Variants in MYLK observed in about 807,000 individuals in gnomAD.
The protein encoded by MYLK is myosin light chain kinase, smooth muscle.
In MYLK, 106 loss-of-function variants were observed where a neutral mutation model predicts 203.4. The ratio of observed to expected loss-of-function variants is 0.52; its 90% CI spans 0.45 to 0.61. The LOEUF (loss-of-function observed/expected upper bound fraction) is 0.61, where lower values mean the gene tolerates loss of function less well. Among genes scored for constraint, MYLK ranks in the 20% least tolerant of loss-of-function variants. MYLK has a pLI of 0.00. For missense variants in MYLK, 2,072 were observed against 2,442.3 expected (o/e 0.85, Z 3.20); for synonymous variants, 867 against 959.5 (o/e 0.90, Z 1.78).
Position 123,739,592 on chromosome 3 carries a change from T to A in MYLK, c.422+361A>T, listed in dbSNP as rs1437156409. Among the ~76,000 whole-genome samples the A allele has an allele frequency of 2.0e-5, 3 of 152,214 alleles. No individual in the cohort carries two copies. The East Asian group carries it at 5.8e-4, about 29-fold the overall frequency. On this transcript the variant is annotated intron_variant, in intron 6 of 33. Transcript: ENST00000360304. ...AACTTTCCCTGAGTAAGAAACAAAC[T>A]TTCCCTGGGTTGAGCCACTGTGATT...
chr3:123,620,616 ATACAGTGC>A, intron 31 of MYLK: 1 of 1,215,096 alleles, frequency 8.2e-7, no homozygotes, highest in Non-Finnish European at 1.0e-6. Context: ...AACCCTTTTC[ATACAGTGC>A]TTCAACTCCC....
intron 13 of MYLK, among the ~76,000 whole-genome samples, chr3:123,719,667 G>A (rs1288371474): frequency 6.6e-6 from 1 of 152,210 alleles, no homozygotes; most frequent in Non-Finnish European, 1.5e-5. Context: ...GCTAGTAAGT[G>A]GCAGAGCAGG....
chr3:123,617,824 C>T (rs551657328), intron 33 of MYLK: 1 of 152,362 alleles, frequency 6.6e-6, no homozygotes, highest in South Asian at 2.1e-4. Flanking sequence ...CGCTTTGTGT[C>T]ATCAACTTTG....
intron 32 of MYLK, 82 bp from the exon 33 acceptor site, chr3:123,618,852 A>T (rs991791801): frequency 2.5e-6 from 4 of 1,575,042 alleles, no homozygotes; most frequent in Non-Finnish European, 3.5e-6. Context: ...CTAACTTTTA[A>T]AAAAGTTGCT....
intron 3 of MYLK, among the ~76,000 whole-genome samples, chr3:123,820,433 G>A (rs1391209057): frequency 6.6e-6 from 1 of 152,182 alleles, no homozygotes; most frequent in Admixed American, 6.5e-5. Flanking sequence ...GGTAGATACA[G>A]AAGCAGTCAT....
chr3:123,756,506 T>C (rs760030443), intron 4 of MYLK, among the ~76,000 whole-genome samples: 1 of 152,162 alleles, frequency 6.6e-6, no homozygotes. Context: ...AATTCCTTCC[T>C]TGTATTAAGG....
At position 123,640,479 on chromosome 3, in the gene MYLK, G is replaced by C; in HGVS notation, c.4645C>G (p.Arg1549Gly). The change falls in exon 28 of 34, where the codon CGC becomes GGC. Residue 1549 changes from arginine to glycine, a missense_variant. Arg to Gly is a moderately radical substitution (Grantham distance 125, BLOSUM62 -2). This residue lies in a region of MYLK where 524 missense variants were observed against 782.4 expected (regional missense o/e 0.67). Transcript: ENST00000360304. This position sits in a 1 kb window ranked among gnomAD's most constrained non-coding sequence, Gnocchi z 4.3. ...EIVSGGELFE[R>G]IIDEDFELTE... ...AGCTCAAAGTCCTCGTCAATGATGC[G>C]CTCAAACAGCTCCCCTCCTGACACG... 1 of 1,614,038 alleles carries C rather than the reference G, an allele frequency of 6.2e-7. No homozygotes were observed. Among genetic ancestry groups the C allele is most frequent in the Non-Finnish European group, 8.5e-7 (1 of 1,180,032 alleles).
intron 4 of MYLK, among the ~76,000 whole-genome samples, chr3:123,771,880 G>GT (rs1300318687): frequency 1.3e-5 from 2 of 152,294 alleles, no homozygotes; most frequent in African/African-American, 4.8e-5. Flanking sequence ...AAAAACAATA[G>GT]TTGTGGGGGT....
At chr3:123,774,905 G>A (rs990000041) in intron 4 of MYLK, among the ~76,000 whole-genome samples, 5 of 152,098 alleles carry the variant, frequency 3.3e-5, no homozygotes, top group Non-Finnish European at 7.4e-5. Context: ...AAGGCTCGTT[G>A]AGCACCCTTC....
At chr3:123,616,553 A>G (rs1486012856) in intron 33 of MYLK, 1 of 152,132 alleles carries the variant, frequency 6.6e-6, no homozygotes, top group Non-Finnish European at 1.5e-5. Context: ...TAGGAAAAAA[A>G]TTGTAGCCCT....
chr3:123,656,731 G>C (rs2059399266), intron 24 of MYLK, among the ~76,000 whole-genome samples: 1 of 152,034 alleles, frequency 6.6e-6, no homozygotes, highest in Non-Finnish European at 1.5e-5. Flanking sequence ...TCTTCCTCTA[G>C]ATTTTAAGCT....
chr3:123,789,036 G>A lies in MYLK; in HGVS notation c.165+4641C>T, dbSNP rs2064662206. On this transcript the variant is annotated intron_variant, in intron 4 of 33. Coordinates refer to ENST00000360304, the MANE Select transcript of MYLK (RefSeq NM_053025.4). ...TCCCACCATTGCTCTTTTCATACTT[G>A]ACTCTGCTGGGGAAAACAGCCCATC... is the stretch of plus-strand genomic sequence containing the variant. Among the ~76,000 whole-genome samples the A allele has an allele frequency of 5.9e-5, 9 of 152,044 alleles. No homozygotes were observed. In the South Asian group the frequency reaches 1.9e-3, roughly 32 times the overall value.
At chr3:123,701,363 G>T in intron 17 of MYLK, 75 bp downstream of exon 17, 1 of 1,470,172 alleles carries the variant, frequency 6.8e-7, no homozygotes, top group Non-Finnish European at 9.5e-7. Flanking sequence ...GGGCTGCTGG[G>T]CTGGAGCTGC....
intron 13 of MYLK, among the ~76,000 whole-genome samples, chr3:123,711,210 G>C (rs6794870): frequency 9.2e-5 from 14 of 152,254 alleles, no homozygotes; most frequent in Admixed American, 3.9e-4. Flanking sequence ...TGGGGCAGGG[G>C]ACGGGGGGTT....
rs201265306 is a variant in MYLK, at chr3:123,664,191, G to A, written c.3899C>T (p.Ala1300Val). ...GTAGCAGCCGCAGTGCTCCTGGCGCGCGGCCAGGATGGTGAGCTTGCTGCC... is the reference window on the plus strand; with the variant it reads ...GTAGCAGCCGCAGTGCTCCTGGCGCACGGCCAGGATGGTGAGCTTGCTGCC... Reference protein sequence around the residue: ...ENGSKLTILAARQEHCGCYTL... With the variant: ...ENGSKLTILAVRQEHCGCYTL... Residue 1300 changes from alanine to valine, a missense_variant, in exon 23 of 34, where the codon GCG (alanine) becomes GTG (valine). By Grantham distance (64) the Ala-to-Val change is moderately conservative. Coordinates refer to ENST00000360304, the MANE Select transcript of MYLK (RefSeq NM_053025.4). The A allele has an allele frequency of 2.4e-5, 39 of 1,614,066 alleles. No homozygotes were observed. The highest frequency in any genetic ancestry group is 1.2e-4 in the African/African-American group (9 of 74,936).
At position 123,737,428 on chromosome 3, in the gene MYLK, A is replaced by C. The variant is rs746363506; in HGVS notation, c.704T>G (p.Val235Gly). 1.9e-6 allele frequency: 3 copies of C among 1,614,000 alleles called. No homozygotes were observed. In the African/African-American group the frequency reaches 4.0e-5, roughly 22 times the overall value. Reference protein sequence around the residue: ...QDDVGVYTCLVVNGSGKASMS... With the variant: ...QDDVGVYTCLGVNGSGKASMS... Reference sequence around the variant, plus strand: ...CGAGGCCTTCCCCGACCCGTTCACCACCAGGCACGTGTACACTCCCACGTC... The same window carrying C: ...CGAGGCCTTCCCCGACCCGTTCACCCCCAGGCACGTGTACACTCCCACGTC... The change falls in exon 8 of 34, where the codon GTG becomes GGG. Residue 235 changes from valine (V) to glycine (G), a missense_variant. Physicochemically the swap from Val to Gly is moderately radical, Grantham distance 109. Coordinates refer to ENST00000360304, the MANE Select transcript of MYLK (RefSeq NM_053025.4).
intron 31 of MYLK, chr3:123,623,997 A>C (rs889856511): frequency 6.6e-6 from 1 of 152,162 alleles, no homozygotes; most frequent in Non-Finnish European, 1.5e-5. Flanking sequence ...CCTTCCAGAA[A>C]ACCCTATGGC....
chr3:123,699,173 G>A (rs944848432), intron 18 of MYLK, among the ~76,000 whole-genome samples: 5 of 151,912 alleles, frequency 3.3e-5, no homozygotes, highest in Admixed American at 2.6e-4. Flanking sequence ...CGGCCTCAGA[G>A]CTCCCACCCA....
chr3:123,724,814 G>A (rs2062222431), intron 12 of MYLK, among the ~76,000 whole-genome samples: 1 of 151,970 alleles, frequency 6.6e-6, no homozygotes, highest in Non-Finnish European at 1.5e-5. Context: ...GCGCAATCTC[G>A]GCTCACTGCA....
Sources: allele counts gnomAD v4.1 joint callset (sites outside exome capture counted in the v4.1 genomes callset), GRCh38; gene constraint gnomAD v4.1.1; regional missense constraint gnomAD v4.1.1; non-coding constraint Gnocchi (gnomAD v3.1); transcripts MANE v1.5; gene names NCBI Gene and HGNC (gene_info 2026-07-23, HGNC 2026-07-21).